The following CACNG3 variants were observed in gnomAD, a reference collection of about 807,000 sequenced individuals.
CACNG3 encodes voltage-dependent calcium channel gamma-3 subunit.
Under a neutral mutation model 28.5 loss-of-function variants are expected in CACNG3, and 3 were observed. The ratio of observed to expected loss-of-function variants is 0.11; its 90% CI spans 0.05 to 0.27. CACNG3 has a LOEUF of 0.27. CACNG3 is among the 10% of genes least tolerant of loss of function. The pLI, the probability that CACNG3 is intolerant of heterozygous loss-of-function variation, is 1.00. For missense variants in CACNG3, 236 were observed against 414.4 expected (o/e 0.57, Z 3.74); for synonymous variants, 174 against 162.2 (o/e 1.07, Z -0.55).
intron 1 of CACNG3, among the ~76,000 whole-genome samples, chr16:24,276,441 A>T (rs1898754605): frequency 6.6e-6 from 1 of 152,258 alleles, no homozygotes; most frequent in Non-Finnish European, 1.5e-5. Context: ...AAAATTTGAG[A>T]GCCTCTGCTA....
At chr16:24,330,732 C>T (rs903462026) in intron 1 of CACNG3, among the ~76,000 whole-genome samples, 1 of 152,224 alleles carries the variant, frequency 6.6e-6, no homozygotes, top group Admixed American at 6.5e-5. Flanking sequence ...ACCCAGGACA[C>T]TTGTTCTCTT....
chr16:24,347,261 T>C (rs1421464860), intron 2 of CACNG3, among the ~76,000 whole-genome samples: 2 of 152,184 alleles, frequency 1.3e-5, no homozygotes, highest in Non-Finnish European at 2.9e-5. Context: ...GAGGCTGCAG[T>C]GAGCTATGAT....
At chr16:24,346,682 C>G (rs1899872537) in intron 1 of CACNG3, 52 bp from the exon 2 acceptor site, 1 of 1,380,798 alleles carries the variant, frequency 7.2e-7, no homozygotes, top group South Asian at 1.2e-5. Flanking sequence ...CAGGCTGGCC[C>G]CCAGAGCTCT....
At chr16:24,336,734 G>A (rs1030445603) in intron 1 of CACNG3, among the ~76,000 whole-genome samples, 5 of 140,564 alleles carry the variant, frequency 3.6e-5, no homozygotes, top group Non-Finnish European at 8.1e-5. Context: ...CCCCACCCTC[G>A]TGACCTAATT....
rs1328770050 is a variant in CACNG3, at chr16:24,281,499, T to G, written c.211+24534T>G. Among the ~76,000 whole-genome samples the G allele has an allele frequency of 3.9e-5, 6 of 152,096 alleles. No homozygotes were observed. In the East Asian group the frequency reaches 1.2e-3, roughly 29 times the overall value. ...TGCTAGGATTACAGGCATGAACCAC[T>G]ATGACCAGGAGGGCTGTGTACTTGA... On this transcript the variant is annotated intron_variant, in intron 1 of 3. Coordinates refer to ENST00000005284, the MANE Select transcript of CACNG3 (RefSeq NM_006539.4).
intron 1 of CACNG3, among the ~76,000 whole-genome samples, chr16:24,340,294 A>C (rs1028356144): frequency 6.6e-6 from 1 of 152,162 alleles, no homozygotes; most frequent in Admixed American, 6.6e-5. Context: ...CAGCTATAGG[A>C]GGCTGAGGTA....
At chr16:24,274,512 AG>A (rs1157151269) in intron 1 of CACNG3, among the ~76,000 whole-genome samples, 1 of 152,198 alleles carries the variant, frequency 6.6e-6, no homozygotes, top group Non-Finnish European at 1.5e-5. Context: ...GGAATCACTC[AG>A]GTCATGGTTA....
chr16:24,337,174 G>T (rs948883746), intron 1 of CACNG3, among the ~76,000 whole-genome samples: 1 of 152,146 alleles, frequency 6.6e-6, no homozygotes, highest in East Asian at 1.9e-4. Flanking sequence ...CATTGCACAA[G>T]GCCATACAAG....
chr16:24,256,958 C>T lies in CACNG3; in HGVS notation c.204C>T (p.Cys68=), dbSNP rs748626516. The change falls in exon 1 of 4, where the codon TGC becomes TGT. Residue 68 remains cysteine, a synonymous_variant. Transcript: ENST00000005284. The surrounding 1 kb of genome is among the most constrained non-coding windows in gnomAD (Gnocchi z 4.6). Reference sequence around the variant, plus strand: ...ATTCGGGGCTGTGGAGGACCTGCTGCCTAGAAGGTATTTACAATTTCCTCT... The same window carrying T: ...ATTCGGGGCTGTGGAGGACCTGCTGTCTAGAAGGTATTTACAATTTCCTCT... ...MTHSGLWRTC[C]LEGAFRGVCK... 1 of 1,594,852 alleles carries T rather than the reference C, an allele frequency of 6.3e-7. No individual in the cohort carries two copies. The highest frequency in any genetic ancestry group is 1.1e-5 in the South Asian group (1 of 90,712).
chr16:24,323,374 A>G (rs1360876353), intron 1 of CACNG3, among the ~76,000 whole-genome samples: 1 of 152,180 alleles, frequency 6.6e-6, no homozygotes, highest in Non-Finnish European at 1.5e-5. Flanking sequence ...TAGTGAATCT[A>G]ATCCTTCCCC....
At chr16:24,271,612 T>C (rs1394267157) in intron 1 of CACNG3, among the ~76,000 whole-genome samples, 2 of 152,142 alleles carry the variant, frequency 1.3e-5, no homozygotes, top group Admixed American at 1.3e-4. Flanking sequence ...ACAGCCTGGG[T>C]TCCCTGCACC....
chr16:24,282,145 G>T (rs553931132), intron 1 of CACNG3, among the ~76,000 whole-genome samples: 2 of 152,314 alleles, frequency 1.3e-5, no homozygotes, highest in African/African-American at 4.8e-5. Flanking sequence ...CTTTAAAGGA[G>T]ACCCGACCGG....
intron 1 of CACNG3, among the ~76,000 whole-genome samples, chr16:24,341,688 A>G (rs886570871): frequency 6.6e-6 from 1 of 152,224 alleles, no homozygotes; most frequent in African/African-American, 2.4e-5. Context: ...TAAGTGGCTG[A>G]GTCAGGATTC....
chr16:24,276,760 A>G (rs1898758485), intron 1 of CACNG3, among the ~76,000 whole-genome samples: 1 of 152,242 alleles, frequency 6.6e-6, no homozygotes, highest in African/African-American at 2.4e-5. Flanking sequence ...TGGAGGATTC[A>G]TAGCATCTTG....
intron 1 of CACNG3, among the ~76,000 whole-genome samples, chr16:24,321,671 A>G (rs1899461465): frequency 6.6e-6 from 1 of 152,184 alleles, no homozygotes; most frequent in South Asian, 2.1e-4. Context: ...CTTACAAAAG[A>G]AAAGAAAATC....
intron 1 of CACNG3, among the ~76,000 whole-genome samples, chr16:24,265,472 G>A (rs1005978422): frequency 6.7e-6 from 1 of 148,520 alleles, no homozygotes; most frequent in Non-Finnish European, 1.5e-5. Flanking sequence ...GAAGGAAGGA[G>A]AGAGAGAGAG....
At chr16:24,278,920 G>C (rs1296007722) in intron 1 of CACNG3, among the ~76,000 whole-genome samples, 1 of 152,192 alleles carries the variant, frequency 6.6e-6, no homozygotes, top group Non-Finnish European at 1.5e-5. Flanking sequence ...TACCTCTTAA[G>C]AGCTGAAAGA....
intron 1 of CACNG3, among the ~76,000 whole-genome samples, chr16:24,291,152 G>A (rs1898961204): frequency 6.6e-6 from 1 of 152,182 alleles, no homozygotes; most frequent in African/African-American, 2.4e-5. Flanking sequence ...ATCAAATGAG[G>A]TTATGGCTGA....
chr16:24,328,756 G>A (rs1022156058), intron 1 of CACNG3, among the ~76,000 whole-genome samples: 2 of 152,146 alleles, frequency 1.3e-5, no homozygotes, highest in African/African-American at 2.4e-5. Flanking sequence ...CAAAGGCCTG[G>A]CAGCCATAAG....
Sources: allele counts gnomAD v4.1 joint callset (sites outside exome capture counted in the v4.1 genomes callset), GRCh38; gene constraint gnomAD v4.1.1; non-coding constraint Gnocchi (gnomAD v3.1); transcripts MANE v1.5; gene names NCBI Gene and HGNC (gene_info 2026-07-23, HGNC 2026-07-21).